ZDHHC13: variants seen among roughly 807,000 people sequenced by gnomAD.
The protein encoded by ZDHHC13 is zDHHC palmitoyltransferase 13.
ZDHHC13 carries 85 observed loss-of-function variants against 86.0 expected under a neutral mutation model. That is an observed-to-expected ratio of 0.99 (90% CI 0.83 to 1.18). The LOEUF is 1.18. Among genes scored for constraint, ZDHHC13 ranks in the 50% most tolerant of loss-of-function variants. The pLI is 0.00. For missense variants in ZDHHC13, 711 were observed against 730.2 expected, an observed-to-expected ratio of 0.97 and a Z score of 0.30; for synonymous variants, 263 against 246.4, an observed-to-expected ratio of 1.07 and a Z score of -0.63.
intron 2 of ZDHHC13, among the ~76,000 whole-genome samples, chr11:19,144,325 A>G (rs2133406343): frequency 6.6e-6 from 1 of 151,630 alleles, no homozygotes; most frequent in African/African-American, 2.4e-5. Context: ...CTCAGTAAAA[A>G]CTCGCATTTT....
At chr11:19,142,697 A>G (rs964791593) in intron 1 of ZDHHC13, among the ~76,000 whole-genome samples, 3 of 152,102 alleles carry the variant, frequency 2.0e-5, no homozygotes, top group African/African-American at 7.2e-5. Context: ...TCTACTGAAC[A>G]GAATTAAGAT....
At position 19,155,884 on chromosome 11, in the gene ZDHHC13, G is replaced by A. The variant is rs1303958244; in HGVS notation, c.962G>A (p.Gly321Glu). 3 of 1,612,230 alleles carry A rather than the reference G, an allele frequency of 1.9e-6. No homozygotes were observed. Among genetic ancestry groups the A allele is most frequent in the Middle Eastern group, 1.6e-4 (1 of 6,080 alleles). Residue 321 changes from glycine to glutamate, a missense_variant, in exon 9 of 17, where the codon GGA becomes GAA. Gly to Glu is a moderately conservative substitution (Grantham distance 98, BLOSUM62 -2). Coordinates refer to ENST00000446113, the MANE Select transcript of ZDHHC13 (RefSeq NM_019028.3). Reference protein sequence around the residue: ...DFNSDSWLLKGCLLVTLFFLT... With the variant: ...DFNSDSWLLKECLLVTLFFLT... ...AATTCAGATTCTTGGCTTTTAAAAG[G>A]ATGTCTTCTAGTAACACTGTTTTTT... is the stretch of plus-strand genomic sequence containing the variant.
At position 19,153,769 on chromosome 11, in the gene ZDHHC13, A is replaced by G. The variant is rs894019304; in HGVS notation, c.873+1085A>G. ...TCATCCGCTTTGATGTCTAATAGGC[A>G]TCTCCTGATACCCTCCCCACCCTTC... is the stretch of plus-strand genomic sequence containing the variant. On this transcript the variant is annotated intron_variant, in intron 8 of 16. Coordinates refer to ENST00000446113, the MANE Select transcript of ZDHHC13 (RefSeq NM_019028.3). Among the ~76,000 whole-genome samples the G allele has an allele frequency of 5.3e-5, 8 of 151,986 alleles. No homozygotes were observed. The South Asian group carries it at 1.5e-3, about 28-fold the overall frequency.
chr11:19,152,506 A>G, intron 7 of ZDHHC13, 53 bp from the exon 8 acceptor site: 1 of 1,504,126 alleles, frequency 6.6e-7, no homozygotes, highest in Non-Finnish European at 8.9e-7. Flanking sequence ...AAAGTTTAGC[A>G]CTCATAATAT....
chr11:19,125,687 AC>A (rs561137605), intron 1 of ZDHHC13, among the ~76,000 whole-genome samples: 11 of 152,336 alleles, frequency 7.2e-5, no homozygotes, highest in African/African-American at 2.4e-4. Context: ...CTGGAAAACA[AC>A]CCACGCAGAC....
chr11:19,133,958 A>G (rs1185066388), intron 1 of ZDHHC13, among the ~76,000 whole-genome samples: 2 of 65,920 alleles, frequency 3.0e-5, no homozygotes, highest in African/African-American at 4.2e-5. Context: ...TATGTGTTTT[A>G]TATACTTCAG....
intron 1 of ZDHHC13, among the ~76,000 whole-genome samples, chr11:19,137,313 A>T (rs1411382356): frequency 6.6e-6 from 1 of 152,102 alleles, no homozygotes; most frequent in Non-Finnish European, 1.5e-5. Flanking sequence ...ATCAAAAGAG[A>T]CAAAGAAGGC....
At chr11:19,160,299 C>T (rs1383720804) in intron 10 of ZDHHC13, among the ~76,000 whole-genome samples, 2 of 151,908 alleles carry the variant, frequency 1.3e-5, no homozygotes, top group Non-Finnish European at 2.9e-5. Flanking sequence ...ATTATCTCTT[C>T]TTTGTCTCAT....
intron 14 of ZDHHC13, chr11:19,168,895 T>A: frequency 1.0e-6 from 1 of 985,268 alleles, no homozygotes; most frequent in African/African-American, 1.7e-5. Flanking sequence ...AAAGAAAGAT[T>A]GTAGATTACC....
At chr11:19,135,523 C>A (rs9704947) in intron 1 of ZDHHC13, among the ~76,000 whole-genome samples, 1 of 152,214 alleles carries the variant, frequency 6.6e-6, no homozygotes, top group South Asian at 2.1e-4. Flanking sequence ...CCCAGGCTTG[C>A]TGAGGTAAAC....
intron 4 of ZDHHC13, among the ~76,000 whole-genome samples, chr11:19,147,901 G>A (rs1164506188): frequency 6.7e-6 from 1 of 149,602 alleles, no homozygotes; most frequent in Non-Finnish European, 1.5e-5. Flanking sequence ...TTTCTTTTTT[G>A]TAATTAGAAT....
Position 19,175,885 on chromosome 11 carries a change from C to CT in ZDHHC13, c.1795dup (p.Cys599LeufsTer35). 6.2e-7 allele frequency: 1 copy of CT among 1,613,682 alleles called. No individual in the cohort carries two copies. Among genetic ancestry groups the CT allele is most frequent in the Non-Finnish European group, 8.5e-7 (1 of 1,179,784 alleles). The stretch of plus-strand genomic sequence containing the variant: ...GTGGCTGCTTTGGCTTGGTGAAGCC[C>CT]TGTGTGGTAGATTGGACATCACAGT... On this transcript the variant is annotated frameshift_variant, in exon 17 of 17. Transcript: ENST00000446113. LOFTEE classifies it high-confidence loss of function.
Position 19,169,671 on chromosome 11 carries a change from G to A in ZDHHC13, c.1475-740G>A, listed in dbSNP as rs570365159. ...TGGATTTACATAACCTTGAAGATCC[G>A]TTCCCTTGTTTCTGCTGCTTCCTGT... On this transcript the variant is annotated intron_variant, in intron 14 of 16. Transcript: ENST00000446113. The A allele has an allele frequency of 1.5e-5, 15 of 985,356 alleles. No individual in the cohort carries two copies. The South Asian group carries it at 4.2e-4, about 28-fold the overall frequency. 61.0% of individuals were successfully genotyped at this position (985,356 alleles called of 1,614,324 possible). A position where few individuals can be genotyped will look rare whatever the true frequency, so the allele number is the denominator to read the frequency against.
chr11:19,169,258 C>G lies in ZDHHC13; in HGVS notation c.1475-1153C>G, dbSNP rs550488397. 7.3e-5 allele frequency: 72 copies of G among 985,398 alleles called. 1 individual carries two copies. In the South Asian group the frequency reaches 1.7e-3, roughly 24 times the overall value. 61.0% of individuals were successfully genotyped at this position (985,398 alleles called of 1,614,324 possible). On this transcript the variant is annotated intron_variant, in intron 14 of 16. Coordinates refer to ENST00000446113, the MANE Select transcript of ZDHHC13 (RefSeq NM_019028.3). Reference sequence around the variant, plus strand: ...GAAATTATATTCTTTTTTGTGATATCAGGTGCATGGGATGCATCTTTCTTT... The same window carrying G: ...GAAATTATATTCTTTTTTGTGATATGAGGTGCATGGGATGCATCTTTCTTT...
intron 1 of ZDHHC13, among the ~76,000 whole-genome samples, chr11:19,129,472 A>G (rs947854199): frequency 1.3e-5 from 2 of 152,148 alleles, no homozygotes; most frequent in African/African-American, 2.4e-5. Flanking sequence ...TATGCTTTAC[A>G]TAAAGAATTT....
intron 1 of ZDHHC13, among the ~76,000 whole-genome samples, chr11:19,126,931 G>C (rs543503820): frequency 6.6e-6 from 1 of 152,142 alleles, no homozygotes; most frequent in Non-Finnish European, 1.5e-5. Flanking sequence ...TCACATACAT[G>C]TGTCTTTATA....
At chr11:19,147,994 TG>T (rs1849514981) in intron 4 of ZDHHC13, among the ~76,000 whole-genome samples, 7 of 152,226 alleles carry the variant, frequency 4.6e-5, no homozygotes, top group Admixed American at 4.6e-4. Context: ...TTATGACAGA[TG>T]TCTATTTAGA....
rs551948350 is a variant in ZDHHC13, at chr11:19,173,607, A to G, written c.1730+787A>G. Among the ~76,000 whole-genome samples, 12 of 152,330 alleles carry G rather than the reference A, an allele frequency of 7.9e-5. No homozygotes were observed. In the South Asian group the frequency reaches 2.1e-3, roughly 26 times the overall value. On this transcript the variant is annotated intron_variant, in intron 16 of 16. Transcript: ENST00000446113. ...GATCAGAGACTGGGATATAACTACA[A>G]TGTGTATTTAGGAGAGGAGAGAAAT...
At chr11:19,169,088 C>T (rs1850149097) in intron 14 of ZDHHC13, 1 of 985,326 alleles carries the variant, frequency 1.0e-6, no homozygotes, top group African/African-American at 1.7e-5. Flanking sequence ...GATATTAAAT[C>T]TGAAAACCAG....
Sources: allele counts gnomAD v4.1 joint callset (sites outside exome capture counted in the v4.1 genomes callset), GRCh38; gene constraint gnomAD v4.1.1; transcripts MANE v1.5; gene names NCBI Gene and HGNC (gene_info 2026-07-23, HGNC 2026-07-21).